TRHDE: variants seen among roughly 807,000 people sequenced by gnomAD.
TRHDE encodes the protein thyrotropin-releasing hormone-degrading ectoenzyme.
TRHDE carries 72 observed loss-of-function variants against 125.7 expected under a neutral mutation model. The ratio of observed to expected loss-of-function variants is 0.57; its 90% confidence interval spans 0.47 to 0.70. The LOEUF (loss-of-function observed/expected upper bound fraction) is 0.70. TRHDE is among the 30% of genes least tolerant of loss of function. TRHDE has a pLI of 0.00. For missense variants in TRHDE, 1,110 were observed against 1,327.1 expected, an observed-to-expected ratio of 0.84 and a Z score of 2.54; for synonymous variants, 509 against 509.1, an observed-to-expected ratio of 1.00 and a Z score of 0.00.
At chr12:72,311,012 A>G (rs1592535819) in intron 2 of TRHDE, among the ~76,000 whole-genome samples, 1 of 152,126 alleles carries the variant, frequency 6.6e-6, no homozygotes, top group Non-Finnish European at 1.5e-5. Context: ...AAGCCAGGTT[A>G]TTGGTGTATA....
At chr12:72,142,495 C>T (rs1876137358) in intron 2 of TRHDE, among the ~76,000 whole-genome samples, 1 of 152,052 alleles carries the variant, frequency 6.6e-6, no homozygotes, top group Non-Finnish European at 1.5e-5. Flanking sequence ...TGGATCTTTT[C>T]CACCCTAATA....
chr12:72,367,632 C>T (rs968639526), intron 2 of TRHDE, among the ~76,000 whole-genome samples: 2 of 152,120 alleles, frequency 1.3e-5, no homozygotes, highest in African/African-American at 4.8e-5. Context: ...CTTTGTATCA[C>T]CCTGCTGCTT....
chr12:72,180,375 A>G (rs930399961), intron 2 of TRHDE, among the ~76,000 whole-genome samples: 5 of 152,130 alleles, frequency 3.3e-5, no homozygotes, highest in African/African-American at 1.2e-4. Flanking sequence ...CCTTCTCTTG[A>G]AAAATTAGAT....
chr12:72,668,316 A>T lies in TRHDE; in HGVS notation c.*5121A>T, dbSNP rs1455411868. 1 of 151,786 alleles carries T rather than the reference A, an allele frequency of 6.6e-6. No individual in the cohort carries two copies. The highest frequency in any genetic ancestry group is 1.5e-5 in the Non-Finnish European group (1 of 67,766). The allele number at this position is 151,786 out of a possible 1,614,324, so 9.4% of individuals were successfully genotyped here. On this transcript the variant is annotated 3_prime_UTR_variant, in exon 19 of 19. Coordinates refer to ENST00000261180, the MANE Select transcript of TRHDE (RefSeq NM_013381.3). ...TTTAATAAAAGCAGTTGTTAAAAAT[A>T]TATGTTCTAATGTTAACTATATGAC... is the stretch of plus-strand genomic sequence containing the variant.
At chr12:72,135,388 A>G (rs181830761) in intron 2 of TRHDE, among the ~76,000 whole-genome samples, 2 of 152,240 alleles carry the variant, frequency 1.3e-5, no homozygotes, top group East Asian at 3.9e-4. Context: ...TGGTCTTTCC[A>G]TTGGTGACAT....
chr12:72,133,889 G>T (rs1875922135), intron 2 of TRHDE, among the ~76,000 whole-genome samples: 1 of 152,178 alleles, frequency 6.6e-6, no homozygotes, highest in African/African-American at 2.4e-5. Flanking sequence ...TGTTCTATAT[G>T]CAGAGAGATA....
chr12:72,135,794 A>T (rs1361340146), intron 2 of TRHDE, among the ~76,000 whole-genome samples: 1 of 152,072 alleles, frequency 6.6e-6, no homozygotes, highest in Non-Finnish European at 1.5e-5. Flanking sequence ...TTGTGCTTCC[A>T]TCCAGGTCTT....
intron 10 of TRHDE, among the ~76,000 whole-genome samples, chr12:72,571,894 C>T (rs12322419): frequency 0.27 from 40,215 of 150,502 alleles, 8,066 homozygotes; most frequent in African/African-American, 0.54. Context: ...GTAATTTGTC[C>T]AAAATATCAG....
intron 1 of TRHDE, 140 bp from the exon 2 acceptor site, chr12:72,286,532 TTTCATGCTA>T (rs1448013822): frequency 1.4e-6 from 1 of 704,898 alleles, no homozygotes; most frequent in Non-Finnish European, 2.3e-6. Flanking sequence ...TGGATTATGC[TTTCATGCTA>T]TTCATGCACT....
At chr12:72,578,341 C>T (rs1031623072) in intron 12 of TRHDE, among the ~76,000 whole-genome samples, 2 of 152,024 alleles carry the variant, frequency 1.3e-5, no homozygotes, top group African/African-American at 2.4e-5. Flanking sequence ...GTAGTTCAAC[C>T]CCAAAGAGTG....
At chr12:72,183,590 C>T (rs1345524592) in intron 2 of TRHDE, among the ~76,000 whole-genome samples, 5 of 151,960 alleles carry the variant, frequency 3.3e-5, no homozygotes, top group Admixed American at 2.0e-4. Context: ...TCAAAATAGT[C>T]GAATATTGGT....
chr12:72,251,350 T>A (rs926674937), intron 2 of TRHDE, among the ~76,000 whole-genome samples: 4 of 151,814 alleles, frequency 2.6e-5, no homozygotes, highest in African/African-American at 9.7e-5. Flanking sequence ...ATTTTCCCAC[T>A]TCTGTAATTT....
intron 2 of TRHDE, among the ~76,000 whole-genome samples, chr12:72,370,038 C>T (rs1871506437): frequency 6.6e-6 from 1 of 152,128 alleles, no homozygotes; most frequent in African/African-American, 2.4e-5. Context: ...ACAAAATTCA[C>T]TTGATTAACC....
At chr12:72,241,966 G>C (rs1018364949) in intron 2 of TRHDE, among the ~76,000 whole-genome samples, 1 of 152,118 alleles carries the variant, frequency 6.6e-6, no homozygotes, top group Non-Finnish European at 1.5e-5. Flanking sequence ...CCACTGTGAT[G>C]AAGTTCAAGT....
chr12:72,642,588 G>T (rs1874110489), intron 15 of TRHDE, among the ~76,000 whole-genome samples: 1 of 152,098 alleles, frequency 6.6e-6, no homozygotes, highest in Non-Finnish European at 1.5e-5. Context: ...GCTAGGAGAG[G>T]CTAACTCATT....
intron 2 of TRHDE, among the ~76,000 whole-genome samples, chr12:72,289,849 A>G (rs557431687): frequency 2.6e-5 from 4 of 152,292 alleles, no homozygotes; most frequent in African/African-American, 9.6e-5. Context: ...TACATGAGGC[A>G]TTTGCTTCCC....
At chr12:72,483,029 G>A (rs542468506) in intron 5 of TRHDE, among the ~76,000 whole-genome samples, 1 of 151,952 alleles carries the variant, frequency 6.6e-6, no homozygotes, top group East Asian at 1.9e-4. Flanking sequence ...TATTTTGCTG[G>A]CATATTTGGG....
At chr12:72,099,466 G>A (rs1167752093) in intron 1 of TRHDE, among the ~76,000 whole-genome samples, 3 of 152,154 alleles carry the variant, frequency 2.0e-5, no homozygotes, top group Admixed American at 6.5e-5. Context: ...ATATGGTGAC[G>A]AGCAGGTAAG....
At chr12:72,581,895 G>A (rs1258857651) in intron 12 of TRHDE, among the ~76,000 whole-genome samples, 2 of 151,916 alleles carry the variant, frequency 1.3e-5, no homozygotes, top group African/African-American at 4.8e-5. Context: ...GAGGTCAGGA[G>A]ATCAAGACCA....
Sources: gnomAD v4.1 joint callset for allele counts (sites outside exome capture counted in the v4.1 genomes callset) on GRCh38, gnomAD v4.1.1 for gene constraint, MANE v1.5 for transcripts, NCBI Gene and HGNC (gene_info 2026-07-23, HGNC 2026-07-21) for gene names.